Variants in RANBP2 observed in about 807,000 individuals in gnomAD.
The protein encoded by RANBP2 is E3 SUMO-protein ligase RanBP2.
A neutral mutation model predicts 303.6 loss-of-function variants in RANBP2; 57 were observed. The observed-to-expected ratio is 0.19, with a 90% CI of 0.15 to 0.23. The LOEUF (loss-of-function observed/expected upper bound fraction) is 0.23. RANBP2 is among the 10% of genes least tolerant of loss of function. RANBP2 has a pLI of 1.00. For missense variants in RANBP2, 3,138 were observed against 3,780.8 expected, an observed-to-expected ratio of 0.83 and a Z score of 4.46; for synonymous variants, 1,167 against 1,301.5, an observed-to-expected ratio of 0.90 and a Z score of 2.23.
At chr2:109,278,660 T>A in the RANBP2 span, among the ~76,000 whole-genome samples, 1 of 152,214 alleles carries the variant, frequency 6.6e-6, no homozygotes, top group East Asian at 1.9e-4. Flanking sequence ...AAGCTTTGAT[T>A]AGGTCCAGGT....
chr2:109,367,999 G>A, the RANBP2 span, among the ~76,000 whole-genome samples: 2 of 152,246 alleles, frequency 1.3e-5, no homozygotes, highest in Non-Finnish European at 2.9e-5. Flanking sequence ...GACAGGCAAA[G>A]GAACAAAAGG....
At position 108,764,476 on chromosome 2, in the gene RANBP2, G is replaced by A; in HGVS notation, c.3937G>A (p.Ala1313Thr). 6.2e-7 allele frequency: 1 copy of A among 1,613,982 alleles called. No homozygotes were observed. Among genetic ancestry groups the A allele is most frequent in the South Asian group, 1.1e-5 (1 of 91,068 alleles). ...SILKAPGTNV[A>T]MASNQAVRIV... is the part of the protein sequence containing the mutation. ...TTTAAAAGCCCCAGGAACAAATGTA[G>A]CCATGGCGTCAAATCAGGCTGTCAG... The change falls in exon 20 of 29, where the codon GCC becomes ACC. Residue 1313 changes from alanine to threonine, a missense_variant. By Grantham distance (58) the Ala-to-Thr change is moderately conservative. Transcript: ENST00000283195.
At chr2:109,104,544 C>T in the RANBP2 span, among the ~76,000 whole-genome samples, 8,838 of 150,656 alleles carry the variant, frequency 0.059, 324 homozygotes, top group East Asian at 0.12. Context: ...AGTGCAGTGG[C>T]GCAATCTCGG....
chr2:109,359,126 C>A, the RANBP2 span, among the ~76,000 whole-genome samples: 1 of 152,162 alleles, frequency 6.6e-6, no homozygotes, highest in South Asian at 2.1e-4. Flanking sequence ...CTCTTCCATT[C>A]CATTGATCTA....
At chr2:109,158,411 C>G in the RANBP2 span, among the ~76,000 whole-genome samples, 1 of 152,134 alleles carries the variant, frequency 6.6e-6, no homozygotes, top group Non-Finnish European at 1.5e-5. Flanking sequence ...GGCTTGCCTT[C>G]GTGGGTCATT....
At chr2:109,363,638 G>T in the RANBP2 span, among the ~76,000 whole-genome samples, 1 of 152,068 alleles carries the variant, frequency 6.6e-6, no homozygotes, top group African/African-American at 2.4e-5. Flanking sequence ...AACAGTTCTT[G>T]CAAGGCACAT....
the RANBP2 span, among the ~76,000 whole-genome samples, chr2:109,166,158 T>G: frequency 5.9e-5 from 9 of 152,028 alleles, no homozygotes. Context: ...TATGGTTGGC[T>G]TTTTCCCTCA....
chr2:109,090,325 CA>C, the RANBP2 span, among the ~76,000 whole-genome samples: 1 of 140,432 alleles, frequency 7.1e-6, no homozygotes, highest in South Asian at 2.4e-4. Flanking sequence ...CACACACACA[CA>C]CACACACACA....
the RANBP2 span, among the ~76,000 whole-genome samples, chr2:109,491,783 A>G: frequency 6.6e-6 from 1 of 152,204 alleles, no homozygotes. Context: ...TGCTGAAATA[A>G]TAAAACACAA....
chr2:109,140,807 G>A, the RANBP2 span, among the ~76,000 whole-genome samples: 1 of 152,194 alleles, frequency 6.6e-6, no homozygotes, highest in African/African-American at 2.4e-5. Context: ...CATCTCCTCT[G>A]TGTCCCCAAA....
the RANBP2 span, among the ~76,000 whole-genome samples, chr2:108,888,334 C>T: frequency 6.6e-6 from 1 of 151,810 alleles, no homozygotes; most frequent in African/African-American, 2.4e-5. Flanking sequence ...GTTTTCTTTT[C>T]TTGTTATGTC....
At chr2:109,402,219 C>T in the RANBP2 span, among the ~76,000 whole-genome samples, 15 of 152,348 alleles carry the variant, frequency 9.8e-5, no homozygotes, top group East Asian at 2.7e-3. Context: ...ACCTTGCTGG[C>T]CATGTGCGTC....
chr2:109,314,235 A>G, the RANBP2 span, among the ~76,000 whole-genome samples: 47,438 of 152,030 alleles, frequency 0.31, 9,177 homozygotes, highest in African/African-American at 0.55. Flanking sequence ...TGTATATTTA[A>G]TGCTGCCTGC....
At chr2:109,657,604 T>G in the RANBP2 span, among the ~76,000 whole-genome samples, 4 of 152,192 alleles carry the variant, frequency 2.6e-5, no homozygotes, top group East Asian at 7.7e-4. Flanking sequence ...TATAAATTCC[T>G]CAGTTGCATT....
chr2:109,730,156 T>C, the RANBP2 span, among the ~76,000 whole-genome samples: 104 of 152,232 alleles, frequency 6.8e-4, no homozygotes, highest in African/African-American at 2.4e-3. Context: ...ATCAGGTAGA[T>C]TGTGAGGTTG....
the RANBP2 span, among the ~76,000 whole-genome samples, chr2:109,160,852 C>G: frequency 6.6e-6 from 1 of 152,096 alleles, no homozygotes; most frequent in Admixed American, 6.5e-5. Flanking sequence ...ATGGACAGGG[C>G]CAGGAGAGGC....
At chr2:108,914,481 C>A in the RANBP2 span, among the ~76,000 whole-genome samples, 7 of 152,064 alleles carry the variant, frequency 4.6e-5, no homozygotes, top group African/African-American at 1.4e-4. Flanking sequence ...CCCACAACTC[C>A]CCTTCTATGG....
the RANBP2 span, among the ~76,000 whole-genome samples, chr2:109,008,097 GAC>G: frequency 6.6e-6 from 1 of 152,194 alleles, no homozygotes; most frequent in Non-Finnish European, 1.5e-5. Context: ...GCCCCACACT[GAC>G]ACACGAAGAG....
At chr2:108,990,407 C>T in the RANBP2 span, among the ~76,000 whole-genome samples, 5 of 139,494 alleles carry the variant, frequency 3.6e-5, no homozygotes, top group Admixed American at 7.7e-5. Context: ...GTCCGCAGTC[C>T]GGCCTGGGTG....
Sources: allele counts gnomAD v4.1 joint callset (sites outside exome capture counted in the v4.1 genomes callset), GRCh38; gene constraint gnomAD v4.1.1; transcripts MANE v1.5; gene names NCBI Gene and HGNC (gene_info 2026-07-23, HGNC 2026-07-21).